AGAP5: variants seen among roughly 807,000 people sequenced by gnomAD.
The protein encoded by AGAP5 is arf-GAP with GTPase, ANK repeat and PH domain-containing protein 5.
In AGAP5, 8 loss-of-function variants were observed where a neutral mutation model predicts 27.7. The ratio of observed to expected loss-of-function variants is 0.29; its 90% CI spans 0.17 to 0.52. AGAP5 has a LOEUF of 0.52. Among genes scored for constraint, AGAP5 ranks in the 20% least tolerant of loss-of-function variants. AGAP5 has a pLI of 0.97. For synonymous variants in AGAP5, 111 were observed against 338.0 expected, an observed-to-expected ratio of 0.33 and a Z score of 7.37; for missense variants, 285 against 880.8, an observed-to-expected ratio of 0.32 and a Z score of 8.56.
At chr10:73,685,706 C>T (rs967289140) in intron 4 of AGAP5, among the ~76,000 whole-genome samples, 4 of 152,008 alleles carry the variant, frequency 2.6e-5, no homozygotes, top group African/African-American at 9.7e-5. Context: ...GTGAGCACCA[C>T]CACGCCCGGC....
At position 73,697,813 on chromosome 10, in the gene AGAP5, C is replaced by T; in HGVS notation, c.-58G>A. 1.3e-6 allele frequency: 2 copies of T among 1,592,548 alleles called. No homozygotes were observed. The highest frequency in any genetic ancestry group is 1.7e-6 in the Non-Finnish European group (2 of 1,177,002). On this transcript the variant is annotated 5_prime_UTR_variant, in exon 1 of 8. The change creates a new upstream start codon in the 5' untranslated region. Coordinates refer to ENST00000374094, the MANE Select transcript of AGAP5 (RefSeq NM_001144000.4). ...CTCTGCTCACAGCTTTGGCCACACA[C>T]TCCCACTGTCCTAGGCCGAGGCTAT...
Position 73,676,372 on chromosome 10 carries a change from C to T in AGAP5, c.586-298G>A, listed in dbSNP as rs1315923673. ...TCACATGCCTGTAATTCCAGTTACT[C>T]GGGAGGCTGAGGCAGGAGAATTGCT... On this transcript the variant is annotated intron_variant, in intron 7 of 7. Transcript: ENST00000374094. 3.4e-4 allele frequency among the ~76,000 whole-genome samples: 46 copies of T among 136,762 alleles called. 4 individuals are homozygous for T. The highest frequency in any genetic ancestry group is 1.6e-5 in the Non-Finnish European group (1 of 61,904). 89.7% of individuals were successfully genotyped at this position (136,762 alleles called of 152,430 possible). A position where few individuals can be genotyped will look rare whatever the true frequency, so the allele number is the denominator to read the frequency against.
At position 73,674,334 on chromosome 10, in the gene AGAP5, A is replaced by T. The variant is rs1406262008; in HGVS notation, c.*265T>A. On this transcript the variant is annotated 3_prime_UTR_variant, in exon 8 of 8. Transcript: ENST00000374094. Reference sequence around the variant, plus strand: ...TTTCAAATATATTTTCACACATTTTATCTAAATACATAATACAGAAGCCTG... The same window carrying T: ...TTTCAAATATATTTTCACACATTTTTTCTAAATACATAATACAGAAGCCTG... The T allele has an allele frequency of 8.9e-6, 6 of 674,624 alleles. No homozygotes were observed. Among genetic ancestry groups the T allele is most frequent in the Non-Finnish European group, 1.5e-5 (6 of 407,636 alleles). 41.8% of individuals were successfully genotyped at this position (674,624 alleles called of 1,614,324 possible).
Position 73,676,369 on chromosome 10 carries a change from A to G in AGAP5, c.586-295T>C, listed in dbSNP as rs1454814019. Among the ~76,000 whole-genome samples, 183 of 138,360 alleles carry G rather than the reference A, an allele frequency of 1.3e-3. 1 individual carries two copies. Among genetic ancestry groups the G allele is most frequent in the Non-Finnish European group, 2.3e-3 (146 of 62,264 alleles). 90.8% of individuals were successfully genotyped at this position (138,360 alleles called of 152,430 possible). On this transcript the variant is annotated intron_variant, in intron 7 of 7. Coordinates refer to ENST00000374094, the MANE Select transcript of AGAP5 (RefSeq NM_001144000.4). ...GTGTCACATGCCTGTAATTCCAGTT[A>G]CTCGGGAGGCTGAGGCAGGAGAATT...
intron 3 of AGAP5, among the ~76,000 whole-genome samples, chr10:73,693,829 G>T (rs1041215769): frequency 6.6e-6 from 1 of 152,120 alleles, no homozygotes; most frequent in Non-Finnish European, 1.5e-5. Flanking sequence ...CTCACCAGAA[G>T]TAGGTGTTAA....
Position 73,697,628 on chromosome 10 carries a change from G to A in AGAP5, c.128C>T (p.Ala43Val), listed in dbSNP as rs776630165. 43 of 1,607,498 alleles carry A rather than the reference G, an allele frequency of 2.7e-5. No individual in the cohort carries two copies. The highest frequency in any genetic ancestry group is 8.3e-5 in the Admixed American group (5 of 60,018). Residue 43 changes from alanine to valine, a missense_variant, in exon 1 of 8, where the codon GCG (alanine) becomes GTG (valine). By Grantham distance (64) the Ala-to-Val change is moderately conservative (BLOSUM62 0). Coordinates refer to ENST00000374094, the MANE Select transcript of AGAP5 (RefSeq NM_001144000.4). ...EAGAGDRMAGAPMAAAVQPAE... is the reference protein window; with the variant it reads ...EAGAGDRMAGVPMAAAVQPAE... ...AGGCTGCACAGCAGCAGCCATGGGCGCTCCTGCCATCCTGTCCCCAGCTCC... is the reference window on the plus strand; with the variant it reads ...AGGCTGCACAGCAGCAGCCATGGGCACTCCTGCCATCCTGTCCCCAGCTCC...
chr10:73,688,883 T>G (rs1250149625), intron 4 of AGAP5, among the ~76,000 whole-genome samples: 1 of 152,186 alleles, frequency 6.6e-6, no homozygotes, highest in African/African-American at 2.4e-5. Flanking sequence ...TATCACACAC[T>G]GGCAATAGAT....
chr10:73,678,126 G>A (rs2081995321), intron 6 of AGAP5, among the ~76,000 whole-genome samples: 1 of 151,838 alleles, frequency 6.6e-6, no homozygotes, highest in Non-Finnish European at 1.5e-5. Flanking sequence ...AGTGGCTCAC[G>A]CCTGTAAAAT....
intron 4 of AGAP5, among the ~76,000 whole-genome samples, chr10:73,691,158 A>G (rs1455615876): frequency 1.3e-5 from 2 of 152,216 alleles, no homozygotes; most frequent in African/African-American, 4.8e-5. Context: ...GTAGGCTAGG[A>G]AAAAAGAAGA....
intron 5 of AGAP5, chr10:73,681,972 GTTA>G: frequency 1.0e-6 from 1 of 979,396 alleles, no homozygotes; most frequent in African/African-American, 1.7e-5. Flanking sequence ...TGAAGTAAAA[GTTA>G]TTGACAATTG....
chr10:73,687,541 A>G (rs3998244), intron 4 of AGAP5, among the ~76,000 whole-genome samples: 1 of 152,088 alleles, frequency 6.6e-6, no homozygotes, highest in African/African-American at 2.4e-5. Flanking sequence ...ACAGCTCCAT[A>G]TATGTTGTGA....
chr10:73,692,175 C>T (rs896558166), intron 3 of AGAP5, 98 bp from the exon 4 acceptor site: 12 of 401,550 alleles, frequency 3.0e-5, no homozygotes, highest in Non-Finnish European at 4.4e-5. Flanking sequence ...TAAAATGAGA[C>T]AAAATTCCAT....
chr10:73,687,986 G>A (rs932726612), intron 4 of AGAP5, among the ~76,000 whole-genome samples: 4 of 152,024 alleles, frequency 2.6e-5, no homozygotes, highest in Non-Finnish European at 2.9e-5. Context: ...CAGGCAAATG[G>A]CACTTTGGAA....
chr10:73,679,404 C>T (rs1212421986), intron 6 of AGAP5, among the ~76,000 whole-genome samples: 4 of 151,986 alleles, frequency 2.6e-5, no homozygotes, highest in Non-Finnish European at 4.4e-5. Context: ...CCTTGTGATC[C>T]GCCCGCCTCA....
chr10:73,696,277 C>A (rs2082161148), intron 2 of AGAP5, among the ~76,000 whole-genome samples: 1 of 152,152 alleles, frequency 6.6e-6, no homozygotes, highest in Admixed American at 6.5e-5. Flanking sequence ...CACGGCCTCC[C>A]AAAGTGCTGG....
At chr10:73,693,680 C>T (rs1375118693) in intron 3 of AGAP5, among the ~76,000 whole-genome samples, 1 of 146,066 alleles carries the variant, frequency 6.8e-6, no homozygotes, top group Non-Finnish European at 1.5e-5. Flanking sequence ...GCCTGGGCAA[C>T]AGAGTGAGAC....
intron 2 of AGAP5, among the ~76,000 whole-genome samples, chr10:73,696,137 T>C (rs2082159796): frequency 6.6e-6 from 1 of 152,280 alleles, no homozygotes; most frequent in South Asian, 2.1e-4. Flanking sequence ...CTCAGCCTTG[T>C]GAGTAGGTGG....
intron 3 of AGAP5, among the ~76,000 whole-genome samples, chr10:73,693,323 G>A (rs1273031927): frequency 6.6e-6 from 1 of 152,144 alleles, no homozygotes; most frequent in Non-Finnish European, 1.5e-5. Context: ...GAGGTGTTTG[G>A]GTAATGGCAG....
intron 6 of AGAP5, among the ~76,000 whole-genome samples, chr10:73,679,597 GT>G (rs1313158042): frequency 3.3e-5 from 5 of 150,802 alleles, no homozygotes; most frequent in African/African-American, 7.3e-5. Context: ...TTGTAGAAAA[GT>G]TTTTTTTCAA....
Sources: gnomAD v4.1 joint callset for allele counts (sites outside exome capture counted in the v4.1 genomes callset) on GRCh38, gnomAD v4.1.1 for gene constraint, MANE v1.5 for transcripts, NCBI Gene and HGNC (gene_info 2026-07-23, HGNC 2026-07-21) for gene names.